The following GALNTL6 variants were observed in gnomAD, a reference collection of about 807,000 sequenced individuals.
The protein encoded by GALNTL6 is polypeptide N-acetylgalactosaminyltransferase-like 6.
In GALNTL6, 46 loss-of-function variants were observed where a neutral mutation model predicts 73.7. The observed-to-expected ratio is 0.62, with a 90% CI of 0.49 to 0.80. The LOEUF is 0.80. Ranked by LOEUF, GALNTL6 falls within the 30% of genes least tolerant of loss-of-function variation. GALNTL6 has a pLI of 0.00. For missense variants in GALNTL6, 604 were observed against 755.0 expected (o/e 0.80, Z 2.34); for synonymous variants, 259 against 263.7 (o/e 0.98, Z 0.17).
intron 3 of GALNTL6, among the ~76,000 whole-genome samples, chr4:172,237,371 T>A (rs1737277959): frequency 6.6e-6 from 1 of 152,198 alleles, no homozygotes; most frequent in Middle Eastern, 3.2e-3. Flanking sequence ...TTGAACATTT[T>A]TTTCATTTGC....
At chr4:172,367,849 T>C (rs57230499) in intron 5 of GALNTL6, among the ~76,000 whole-genome samples, 3,728 of 152,300 alleles carry the variant, frequency 0.024, 156 homozygotes, top group African/African-American at 0.084. Context: ...TATGTATATG[T>C]CTCATTAACA....
intron 5 of GALNTL6, among the ~76,000 whole-genome samples, chr4:172,487,301 T>TC (rs1424787308): frequency 0.072 from 4,020 of 55,980 alleles, 111 homozygotes; most frequent in African/African-American, 0.12. Context: ...TTTCCTTCTG[T>TC]CTTTCTTTCT....
intron 3 of GALNTL6, among the ~76,000 whole-genome samples, chr4:172,238,038 CTTT>C (rs1167058537): frequency 6.6e-6 from 1 of 152,018 alleles, no homozygotes; most frequent in Non-Finnish European, 1.5e-5. Flanking sequence ...CAGCTTTGTT[CTTT>C]TTGCTTAGAT....
At chr4:172,514,708 G>A (rs1002519208) in intron 5 of GALNTL6, among the ~76,000 whole-genome samples, 3 of 152,158 alleles carry the variant, frequency 2.0e-5, no homozygotes, top group Admixed American at 1.3e-4. Flanking sequence ...CGCTCCCCAA[G>A]GGCCCCTGTG....
rs150259893 is a variant in GALNTL6, at chr4:172,933,740, C to T, written c.1149+2472C>T. Among the ~76,000 whole-genome samples the T allele has an allele frequency of 3.9e-5, 6 of 152,206 alleles. No homozygotes were observed. The East Asian group carries it at 1.2e-3, about 29-fold the overall frequency. The stretch of plus-strand genomic sequence containing the variant: ...ACATGCTACATTATTACCATATCAT[C>T]AAAAATGAAGAGAGACTTTATATAT... On this transcript the variant is annotated intron_variant, in intron 9 of 12. Coordinates refer to ENST00000506823, the MANE Select transcript of GALNTL6 (RefSeq NM_001034845.3).
chr4:172,665,250 G>C (rs987506538), intron 5 of GALNTL6, among the ~76,000 whole-genome samples: 1 of 152,186 alleles, frequency 6.6e-6, no homozygotes, highest in Non-Finnish European at 1.5e-5. Context: ...GCTAGGGCAT[G>C]CTGCGGGCCT....
chr4:172,498,827 C>G (rs1734162533), intron 5 of GALNTL6, among the ~76,000 whole-genome samples: 1 of 151,994 alleles, frequency 6.6e-6, no homozygotes, highest in Admixed American at 6.6e-5. Context: ...ATGGGCAGCT[C>G]TTTATGAAAA....
chr4:172,275,387 G>A (rs1482888440), intron 3 of GALNTL6, among the ~76,000 whole-genome samples: 1 of 152,122 alleles, frequency 6.6e-6, no homozygotes, highest in African/African-American at 2.4e-5. Flanking sequence ...CTTTGTAGCT[G>A]GACTACCCAG....
At chr4:172,549,630 A>G (rs1336258922) in intron 5 of GALNTL6, among the ~76,000 whole-genome samples, 1 of 152,022 alleles carries the variant, frequency 6.6e-6, no homozygotes, top group Non-Finnish European at 1.5e-5. Context: ...AATGTTGCTT[A>G]TTTTCTTTGT....
chr4:172,305,754 A>G (rs1740108900), intron 3 of GALNTL6, among the ~76,000 whole-genome samples: 1 of 152,218 alleles, frequency 6.6e-6, no homozygotes, highest in Non-Finnish European at 1.5e-5. Context: ...AAAACATACC[A>G]TTTTAAATCC....
At chr4:172,616,314 T>C (rs1379230505) in intron 5 of GALNTL6, among the ~76,000 whole-genome samples, 1 of 152,174 alleles carries the variant, frequency 6.6e-6, no homozygotes, top group African/African-American at 2.4e-5. Flanking sequence ...TTGTTTTTTA[T>C]AACACCCCTT....
At position 172,912,468 on chromosome 4, in the gene GALNTL6, AAG is replaced by A. The variant is rs1396338997; in HGVS notation, c.1042-18692_1042-18691del. Among the ~76,000 whole-genome samples, 11 of 152,342 alleles carry A rather than the reference AAG, an allele frequency of 7.2e-5. No individual in the cohort carries two copies. The East Asian group carries it at 2.1e-3, about 29-fold the overall frequency. The stretch of plus-strand genomic sequence containing the variant: ...GGTCAGGGAATTCCCTTTCCTAGAC[AAG>A]GGAAGCCATGACAGACGGTACCTGC... On this transcript the variant is annotated intron_variant, in intron 8 of 12. Coordinates refer to ENST00000506823, the MANE Select transcript of GALNTL6 (RefSeq NM_001034845.3).
chr4:171,870,721 C>G (rs1209373629), intron 2 of GALNTL6, among the ~76,000 whole-genome samples: 1 of 152,052 alleles, frequency 6.6e-6, no homozygotes, highest in African/African-American at 2.4e-5. Flanking sequence ...TCAAGTAAGA[C>G]TGGTGTCCTT....
chr4:172,264,207 G>A (rs1738356557), intron 3 of GALNTL6, among the ~76,000 whole-genome samples: 1 of 151,460 alleles, frequency 6.6e-6, no homozygotes, highest in Admixed American at 6.6e-5. Context: ...TACGTAGGAA[G>A]ATATTTTATT....
intron 2 of GALNTL6, among the ~76,000 whole-genome samples, chr4:171,843,404 T>C (rs1735291418): frequency 6.6e-6 from 1 of 152,132 alleles, no homozygotes; most frequent in African/African-American, 2.4e-5. Context: ...GCCAAGATTG[T>C]TCATCCATAA....
At chr4:172,595,790 C>T (rs1289880144) in intron 5 of GALNTL6, among the ~76,000 whole-genome samples, 2 of 151,972 alleles carry the variant, frequency 1.3e-5, no homozygotes, top group East Asian at 3.9e-4. Flanking sequence ...AATAATTTAT[C>T]CCTGGACCAG....
rs376337189 is a variant in GALNTL6 at position 172,178,232 on chromosome 4, G to A, written c.139-51424G>A. On this transcript the variant is annotated intron_variant, in intron 2 of 12. Transcript: ENST00000506823. Reference sequence around the variant, plus strand: ...GATAATAACTGTTTGAACAGCGCCTGACAAATATATCATAAGCATTAAACA... The same window carrying A: ...GATAATAACTGTTTGAACAGCGCCTAACAAATATATCATAAGCATTAAACA... Among the ~76,000 whole-genome samples the A allele has an allele frequency of 6.6e-5, 10 of 152,122 alleles. No homozygotes were observed. The East Asian group carries it at 1.9e-3, about 29-fold the overall frequency.
chr4:172,798,207 A>C (rs2110951014), intron 5 of GALNTL6, among the ~76,000 whole-genome samples: 1 of 152,230 alleles, frequency 6.6e-6, no homozygotes. Context: ...GAAAAAAATT[A>C]CTCTTAGTCC....
intron 5 of GALNTL6, among the ~76,000 whole-genome samples, chr4:172,718,554 C>G (rs1263571356): frequency 2.0e-5 from 3 of 152,018 alleles, no homozygotes; most frequent in Non-Finnish European, 4.4e-5. Flanking sequence ...AGGAGGATCA[C>G]TTGAGCCTGG....
Sources: allele counts gnomAD v4.1 joint callset (sites outside exome capture counted in the v4.1 genomes callset), GRCh38; gene constraint gnomAD v4.1.1; transcripts MANE v1.5; gene names NCBI Gene and HGNC (gene_info 2026-07-23, HGNC 2026-07-21).